LRP11: variants seen among roughly 807,000 people sequenced by gnomAD.
LRP11 encodes LDL receptor related protein 11.
In LRP11, 25 loss-of-function variants were observed where a neutral mutation model predicts 43.1. The observed-to-expected ratio is 0.58, with a 90% confidence interval of 0.42 to 0.81. The LOEUF is 0.81. Among genes scored for constraint, LRP11 ranks in the 30% least tolerant of loss-of-function variants. LRP11 has a pLI of 0.00. For synonymous variants in LRP11, 316 were observed against 299.4 expected (o/e 1.06, Z -0.57); for missense variants, 623 against 665.1 (o/e 0.94, Z 0.70).
At chr6:149,863,304 C>A in intron 1 of LRP11, 104 bp downstream of exon 1, 1 of 1,278,042 alleles carries the variant, frequency 7.8e-7, no homozygotes, top group South Asian at 3.3e-5. Context: ...TGGGTGCCCG[C>A]GGCTAAAATA....
At chr6:149,860,562 C>G (rs1776876595) in intron 1 of LRP11, among the ~76,000 whole-genome samples, 1 of 152,104 alleles carries the variant, frequency 6.6e-6, no homozygotes, top group Non-Finnish European at 1.5e-5. Flanking sequence ...TTGAACCTCA[C>G]GACAGCCTGG....
Position 149,864,274 on chromosome 6 carries a change from C to G in LRP11, c.-254G>C. On this transcript the variant is annotated 5_prime_UTR_variant, in exon 1 of 7. Coordinates refer to ENST00000239367, the MANE Select transcript of LRP11 (RefSeq NM_032832.6). ...CCCTCGCCGGAGACTGCCCAGCGCC[C>G]TGCGCCTCTCCGCCCCGGCCTGCGG... is the stretch of plus-strand genomic sequence containing the variant. The G allele has an allele frequency of 9.4e-7, 1 of 1,062,740 alleles. No individual in the cohort carries two copies. Among genetic ancestry groups the G allele is most frequent in the Non-Finnish European group, 1.1e-6 (1 of 881,526 alleles). 65.8% of individuals were successfully genotyped at this position (1,062,740 alleles called of 1,614,324 possible). A position where few individuals can be genotyped will look rare whatever the true frequency, so the allele number is the denominator to read the frequency against.
In LRP11 at chr6:149,860,399, T is replaced by TCCTC. The variant is rs569599912; in HGVS notation, c.613+3005_613+3008dup. Among the ~76,000 whole-genome samples, 184 of 151,888 alleles carry TCCTC rather than the reference T, an allele frequency of 1.2e-3. 1 individual carries two copies. The highest frequency in any genetic ancestry group is 4.0e-3 in the African/African-American group (166 of 41,386). On this transcript the variant is annotated intron_variant, in intron 1 of 6. Transcript: ENST00000239367. ...TCCTAGCAGCTCTAGCTTCTACCTCTCCTCCCTCCCTCCCTCCCTCCTGCT... is the reference window on the plus strand; with the variant it reads ...TCCTAGCAGCTCTAGCTTCTACCTCTCCTCCCTCCCTCCCTCCCTCCCTCCTGCT...
At chr6:149,836,492 A>G (rs942190696) in intron 4 of LRP11, among the ~76,000 whole-genome samples, 195 bp from the exon 5 acceptor site, 23 of 152,180 alleles carry the variant, frequency 1.5e-4, no homozygotes, top group Non-Finnish European at 2.8e-4. Context: ...TTCTTCCAAT[A>G]GTCAGCTTTC....
intron 6 of LRP11, among the ~76,000 whole-genome samples, chr6:149,824,842 A>G (rs1386451718): frequency 6.6e-6 from 1 of 152,242 alleles, no homozygotes; most frequent in Non-Finnish European, 1.5e-5. Context: ...CCTGGACAAC[A>G]GAGTGAGACT....
At chr6:149,829,826 T>C (rs537372163) in intron 5 of LRP11, among the ~76,000 whole-genome samples, 18 of 152,160 alleles carry the variant, frequency 1.2e-4, no homozygotes, top group Non-Finnish European at 7.4e-5. Context: ...TATTTTTTAT[T>C]TGAATTAACT....
At chr6:149,840,452 TTTA>T (rs1776529108) in intron 3 of LRP11, among the ~76,000 whole-genome samples, 1 of 152,118 alleles carries the variant, frequency 6.6e-6, no homozygotes, top group South Asian at 2.1e-4. Flanking sequence ...TCAAATACAG[TTTA>T]TTATCATCTT....
At chr6:149,860,806 GTGC>G (rs1482144424) in intron 1 of LRP11, among the ~76,000 whole-genome samples, 1 of 152,146 alleles carries the variant, frequency 6.6e-6, no homozygotes, top group Non-Finnish European at 1.5e-5. Flanking sequence ...GCTTCTGCTG[GTGC>G]TGCTGGAGAA....
At chr6:149,831,582 G>T (rs1227432255) in intron 5 of LRP11, among the ~76,000 whole-genome samples, 1 of 152,244 alleles carries the variant, frequency 6.6e-6, no homozygotes, top group Non-Finnish European at 1.5e-5. Flanking sequence ...ATTCGCTGGT[G>T]TAACTGAATG....
In LRP11 at chr6:149,827,801, C is replaced by T. The variant is rs577499176; in HGVS notation, c.1253-1442G>A. Among the ~76,000 whole-genome samples the T allele has an allele frequency of 1.3e-5, 2 of 152,202 alleles. No individual in the cohort carries two copies. Among genetic ancestry groups the T allele is most frequent in the Non-Finnish European group, 2.9e-5 (2 of 68,032 alleles). On this transcript the variant is annotated intron_variant, in intron 5 of 6. Coordinates refer to ENST00000239367, the MANE Select transcript of LRP11 (RefSeq NM_032832.6). The surrounding 1 kb of genome is among the most constrained non-coding windows in gnomAD (Gnocchi z 4.2). ...CAGGTAGTTCTATAAGATTGTATTA[C>T]ATAAGGGCCGCACGCAGTGGCTCAT...
At chr6:149,842,861 C>A in intron 3 of LRP11, 122 bp downstream of exon 3, 1 of 1,278,538 alleles carries the variant, frequency 7.8e-7, no homozygotes, top group East Asian at 2.4e-5. Context: ...AAGACTCTCT[C>A]ATTCAGCAAT....
In LRP11 at chr6:149,859,053, A is replaced by G. The variant is rs73779595; in HGVS notation, c.613+4355T>C. On this transcript the variant is annotated intron_variant, in intron 1 of 6. Transcript: ENST00000239367. ...ACTTTTTTGCTCATATGTTCTCTTC[A>G]GCATGGTTCCTTTTCCTAAAAAATA... 6.3e-3 allele frequency among the ~76,000 whole-genome samples: 955 copies of G among 152,188 alleles called. 16 individuals carry two copies. The highest frequency in any genetic ancestry group is 0.022 in the African/African-American group (908 of 41,498).
intron 3 of LRP11, among the ~76,000 whole-genome samples, chr6:149,842,210 A>C (rs2115391285): frequency 6.6e-6 from 1 of 152,176 alleles, no homozygotes; most frequent in African/African-American, 2.4e-5. Context: ...TACACCCAAG[A>C]GCCAAGTCTT....
intron 1 of LRP11, among the ~76,000 whole-genome samples, 195 bp from the exon 2 acceptor site, chr6:149,853,355 A>G (rs1776752018): frequency 1.3e-5 from 2 of 152,008 alleles, no homozygotes; most frequent in Non-Finnish European, 2.9e-5. Flanking sequence ...GGCTGTGTGG[A>G]GTGTTGGCTG....
intron 5 of LRP11, among the ~76,000 whole-genome samples, chr6:149,832,344 A>G (rs909161209): frequency 6.6e-5 from 10 of 151,844 alleles, no homozygotes; most frequent in Non-Finnish European, 1.5e-4. Context: ...GGTGCCTGAC[A>G]CTACGCCCAG....
intron 1 of LRP11, among the ~76,000 whole-genome samples, chr6:149,860,547 C>T (rs1477188518): frequency 6.6e-6 from 1 of 152,100 alleles, no homozygotes; most frequent in Middle Eastern, 3.2e-3. Flanking sequence ...AAAGCATGTC[C>T]CCCCTTGAAC....
At chr6:149,821,281 A>G (rs1776275307) in intron 6 of LRP11, among the ~76,000 whole-genome samples, 1 of 152,202 alleles carries the variant, frequency 6.6e-6, no homozygotes, top group Non-Finnish European at 1.5e-5. Flanking sequence ...CAAAATTTGT[A>G]TGGCATCAAT....
intron 1 of LRP11, among the ~76,000 whole-genome samples, chr6:149,862,831 C>T (rs1347779152): frequency 6.6e-6 from 1 of 152,096 alleles, no homozygotes; most frequent in Non-Finnish European, 1.5e-5. Context: ...CCGCCCTCCT[C>T]GGCCTCCCAA....
intron 3 of LRP11, among the ~76,000 whole-genome samples, chr6:149,840,760 G>C (rs952936803): frequency 1.3e-5 from 2 of 152,206 alleles, no homozygotes; most frequent in Non-Finnish European, 2.9e-5. Context: ...AAGCCCTCTA[G>C]AGGGCGCCCA....
Sources: allele counts gnomAD v4.1 joint callset (sites outside exome capture counted in the v4.1 genomes callset), GRCh38; gene constraint gnomAD v4.1.1; non-coding constraint Gnocchi (gnomAD v3.1); transcripts MANE v1.5; gene names NCBI Gene and HGNC (gene_info 2026-07-23, HGNC 2026-07-21).